Variants in DYNC1I1 observed in about 807,000 individuals in gnomAD.
DYNC1I1 encodes cytoplasmic dynein 1 intermediate chain 1.
Under a neutral mutation model 86.6 loss-of-function variants are expected in DYNC1I1, and 43 were observed. The observed-to-expected ratio is 0.50, with a 90% confidence interval of 0.39 to 0.64. The LOEUF (loss-of-function observed/expected upper bound fraction) is 0.64. Among genes scored for constraint, DYNC1I1 ranks in the 30% least tolerant of loss-of-function variants. The pLI is 0.00. For synonymous variants in DYNC1I1, 262 were observed against 283.7 expected (o/e 0.92, Z 0.77); for missense variants, 604 against 788.8 (o/e 0.77, Z 2.81).
At chr7:95,907,649 GC>G (rs1330229980) in intron 6 of DYNC1I1, among the ~76,000 whole-genome samples, 1 of 152,092 alleles carries the variant, frequency 6.6e-6, no homozygotes, top group Non-Finnish European at 1.5e-5. Flanking sequence ...AGTTCCTACA[GC>G]CTCTTCAGTT....
At chr7:95,836,396 T>A (rs1789091578) in intron 5 of DYNC1I1, among the ~76,000 whole-genome samples, 1 of 151,508 alleles carries the variant, frequency 6.6e-6, no homozygotes, top group African/African-American at 2.4e-5. Flanking sequence ...TGGCTGCCCT[T>A]AACATTTTTT....
At chr7:96,047,915 T>C (rs1046967426) in intron 14 of DYNC1I1, among the ~76,000 whole-genome samples, 1 of 152,168 alleles carries the variant, frequency 6.6e-6, no homozygotes. Context: ...AGGAAGATTA[T>C]TTCAAGTGAC....
At position 95,995,877 on chromosome 7, in the gene DYNC1I1, T is replaced by C. The variant is rs10265938; in HGVS notation, c.844-71T>C. 228,212 of 1,532,858 alleles carry C rather than the reference T, an allele frequency of 0.15. 20,082 individuals carry two copies. Among genetic ancestry groups the C allele is most frequent in the African/African-American group, 0.39 (28,454 of 72,088 alleles). 95.0% of individuals were successfully genotyped at this position (1,532,858 alleles called of 1,614,324 possible). A position where few individuals can be genotyped will look rare whatever the true frequency, so the allele number is the denominator to read the frequency against. On this transcript the variant is annotated intron_variant, in intron 9 of 16. Coordinates refer to ENST00000447467, the MANE Select transcript of DYNC1I1 (RefSeq NM_001135556.2). The stretch of plus-strand genomic sequence containing the variant: ...TACACTGTGTAGTATACCACGTGTA[T>C]GTAGGAATAACAAAGTTTTCCTTGT...
At chr7:96,025,805 C>A (rs1794664540) in intron 10 of DYNC1I1, among the ~76,000 whole-genome samples, 1 of 151,038 alleles carries the variant, frequency 6.6e-6, no homozygotes, top group African/African-American at 2.4e-5. Context: ...TGCTGGTTTT[C>A]CTCTGGTTTA....
At chr7:95,899,650 A>C (rs1790982268) in intron 6 of DYNC1I1, among the ~76,000 whole-genome samples, 1 of 152,190 alleles carries the variant, frequency 6.6e-6, no homozygotes, top group South Asian at 2.1e-4. Context: ...GCACGTTGTG[A>C]GCTGAACTAA....
At chr7:96,089,573 C>T (rs1467071965) in intron 16 of DYNC1I1, among the ~76,000 whole-genome samples, 2 of 152,086 alleles carry the variant, frequency 1.3e-5, no homozygotes. Context: ...AATCTCTTTC[C>T]CAGTTTCCCT....
rs566608874 is a variant in DYNC1I1 at position 95,915,196 on chromosome 7, A to G, written c.490+45198A>G. 6.6e-5 allele frequency among the ~76,000 whole-genome samples: 10 copies of G among 152,370 alleles called. No individual in the cohort carries two copies. In the South Asian group the frequency reaches 1.2e-3, roughly 19 times the overall value. ...AGACAGCCAAGGAGGACAAACACAT[A>G]ATAACGAACTATAGTAATAGCTATC... On this transcript the variant is annotated intron_variant, in intron 6 of 16. Transcript: ENST00000447467.
chr7:95,986,841 G>A (rs1169380638), intron 8 of DYNC1I1, among the ~76,000 whole-genome samples: 2 of 151,906 alleles, frequency 1.3e-5, no homozygotes, highest in Admixed American at 1.3e-4. Context: ...AACAGTCTTG[G>A]AACGACATGG....
intron 4 of DYNC1I1, chr7:95,818,779 A>T (rs1795008149): frequency 2.7e-6 from 1 of 368,994 alleles, no homozygotes; most frequent in Non-Finnish European, 4.8e-6. Context: ...CTTAGTGCTT[A>T]TTCTTTTATA....
At chr7:96,043,599 A>G (rs1789122643) in intron 14 of DYNC1I1, among the ~76,000 whole-genome samples, 1 of 152,092 alleles carries the variant, frequency 6.6e-6, no homozygotes, top group Non-Finnish European at 1.5e-5. Context: ...TAAAATATGG[A>G]TCTTACATAG....
downstream of DYNC1I1, among the ~76,000 whole-genome samples, chr7:96,100,677 T>TGTGTGTGTGTGTGTGTGTGTGTGTGTGG (rs1791121439): frequency 6.6e-6 from 1 of 151,430 alleles, no homozygotes; most frequent in Non-Finnish European, 1.5e-5. Context: ...TGTGTGTGTG[T>TGTGTGTGTGTGTGTGTGTGTGTGTGTGG]GTGTGGTAAG....
intron 14 of DYNC1I1, among the ~76,000 whole-genome samples, chr7:96,073,249 G>A (rs946265847): frequency 1.3e-5 from 2 of 152,192 alleles, no homozygotes; most frequent in Non-Finnish European, 1.5e-5. Flanking sequence ...GTCTTGGGGT[G>A]AAGGGTGATA....
chr7:95,871,159 T>C (rs1338701060), intron 6 of DYNC1I1, among the ~76,000 whole-genome samples: 11 of 152,224 alleles, frequency 7.2e-5, no homozygotes, highest in South Asian at 2.1e-4. Flanking sequence ...CGGGGTGCCG[T>C]TAGGCATTCT....
chr7:95,947,019 G>A (rs1792421326), intron 6 of DYNC1I1, among the ~76,000 whole-genome samples: 1 of 152,164 alleles, frequency 6.6e-6, no homozygotes, highest in Admixed American at 6.5e-5. Flanking sequence ...GGAGGGAATG[G>A]ATCCAAACAG....
At chr7:95,872,562 A>C (rs1004722751) in intron 6 of DYNC1I1, among the ~76,000 whole-genome samples, 2 of 152,160 alleles carry the variant, frequency 1.3e-5, no homozygotes, top group Non-Finnish European at 2.9e-5. Context: ...GTGCACCGTA[A>C]TGAACATTCT....
chr7:96,076,009 G>T, intron 14 of DYNC1I1, 48 bp from the exon 15 acceptor site: 1 of 1,595,844 alleles, frequency 6.3e-7, no homozygotes, highest in Non-Finnish European at 8.6e-7. Flanking sequence ...TAGACAGCCC[G>T]AGGCAGCAGC....
At chr7:95,898,571 T>C (rs975426850) in intron 6 of DYNC1I1, among the ~76,000 whole-genome samples, 2 of 152,164 alleles carry the variant, frequency 1.3e-5, no homozygotes, top group Non-Finnish European at 2.9e-5. Flanking sequence ...AATTCAGACG[T>C]GGGTAAAATA....
At chr7:95,781,011 A>C (rs1452473465) in intron 1 of DYNC1I1, among the ~76,000 whole-genome samples, 1 of 152,200 alleles carries the variant, frequency 6.6e-6, no homozygotes, top group African/African-American at 2.4e-5. Flanking sequence ...ACAACAAAAA[A>C]AAAAACCTTC....
intron 1 of DYNC1I1, among the ~76,000 whole-genome samples, chr7:95,782,058 C>T (rs934596212): frequency 6.6e-6 from 1 of 152,206 alleles, no homozygotes; most frequent in Admixed American, 6.5e-5. Context: ...TCACCATGTT[C>T]ACTCAGAGGC....
Sources: gnomAD v4.1 joint callset for allele counts (sites outside exome capture counted in the v4.1 genomes callset) on GRCh38, gnomAD v4.1.1 for gene constraint, MANE v1.5 for transcripts, NCBI Gene and HGNC (gene_info 2026-07-23, HGNC 2026-07-21) for gene names.